RSPO4: variants seen among roughly 807,000 people sequenced by gnomAD.
The protein encoded by RSPO4 is R-spondin 4.
A neutral mutation model predicts 24.8 loss-of-function variants in RSPO4; 23 were observed. The ratio of observed to expected loss-of-function variants is 0.93; its 90% confidence interval spans 0.67 to 1.31. The LOEUF (loss-of-function observed/expected upper bound fraction) is 1.31, where lower values mean the gene tolerates loss of function less well. RSPO4 is among the 40% of genes most tolerant of loss of function. The pLI, the probability that RSPO4 is intolerant of heterozygous loss-of-function variation, is 0.00. For missense variants in RSPO4, 333 were observed against 316.5 expected (o/e 1.05, Z -0.39); for synonymous variants, 141 against 127.4 (o/e 1.11, Z -0.72).
At chr20:980,527 T>C (rs543830185) in intron 1 of RSPO4, among the ~76,000 whole-genome samples, 1 of 152,154 alleles carries the variant, frequency 6.6e-6, no homozygotes, top group Non-Finnish European at 1.5e-5. Flanking sequence ...AAATGCCCAC[T>C]CCGTCTCTCA....
intron 1 of RSPO4, among the ~76,000 whole-genome samples, chr20:984,635 C>A (rs1984842596): frequency 6.6e-6 from 1 of 152,188 alleles, no homozygotes; most frequent in African/African-American, 2.4e-5. Context: ...AAGTGAGCAT[C>A]TTCAAGGACC....
chr20:992,545 C>G (rs77138879), intron 1 of RSPO4, among the ~76,000 whole-genome samples: 1 of 152,286 alleles, frequency 6.6e-6, no homozygotes, highest in East Asian at 1.9e-4. Flanking sequence ...CCCCCCATGA[C>G]GCATGACAGT....
intron 1 of RSPO4, among the ~76,000 whole-genome samples, chr20:975,253 T>G (rs1268059079): frequency 6.6e-6 from 1 of 152,176 alleles, no homozygotes; most frequent in Non-Finnish European, 1.5e-5. Flanking sequence ...GAGCACACTT[T>G]GAAACCCCCT....
chr20:996,759 T>G (rs1985304646), intron 1 of RSPO4, among the ~76,000 whole-genome samples: 1 of 151,860 alleles, frequency 6.6e-6, no homozygotes, highest in Non-Finnish European at 1.5e-5. Flanking sequence ...GACTGGAGAG[T>G]GGCACCCAAG....
At chr20:988,236 G>C (rs551330388) in intron 1 of RSPO4, among the ~76,000 whole-genome samples, 2 of 152,316 alleles carry the variant, frequency 1.3e-5, no homozygotes, top group South Asian at 4.1e-4. Flanking sequence ...AGTTTGGATG[G>C]TGCTGGATTT....
Position 981,092 on chromosome 20 carries a change from A to C in RSPO4, c.80-12954T>G, listed in dbSNP as rs1984720469. Among the ~76,000 whole-genome samples, 1 of 152,202 alleles carries C rather than the reference A, an allele frequency of 6.6e-6. No homozygotes were observed. The highest frequency in any genetic ancestry group is 1.5e-5 in the Non-Finnish European group (1 of 68,040). On this transcript the variant is annotated intron_variant, in intron 1 of 4. Transcript: ENST00000217260. The surrounding 1 kb of genome is among the most constrained non-coding windows in gnomAD (Gnocchi z 4.6). ...TTACGGTTCAGGAAGTGAAGGCTCA[A>C]AGACCAACAATTATAGGTGGTGGCA...
At chr20:984,434 A>T (rs1460969871) in intron 1 of RSPO4, among the ~76,000 whole-genome samples, 1 of 152,182 alleles carries the variant, frequency 6.6e-6, no homozygotes, top group Admixed American at 6.5e-5. Context: ...GGCCAGGTCT[A>T]AAAGTCAGCG....
chr20:980,813 C>A (rs1600095843), intron 1 of RSPO4, among the ~76,000 whole-genome samples: 2 of 152,132 alleles, frequency 1.3e-5, no homozygotes, highest in South Asian at 4.1e-4. Flanking sequence ...TGTCGCCTCT[C>A]GACACATGCG....
At chr20:967,904 G>T in intron 2 of RSPO4, 46 bp downstream of exon 2, 1 of 1,568,150 alleles carries the variant, frequency 6.4e-7, no homozygotes, top group Non-Finnish European at 8.8e-7. Flanking sequence ...AGCCCATGGT[G>T]TCTAGGAGCC....
At chr20:984,343 A>G (rs1436512975) in intron 1 of RSPO4, among the ~76,000 whole-genome samples, 1 of 152,180 alleles carries the variant, frequency 6.6e-6, no homozygotes, top group Admixed American at 6.5e-5. Flanking sequence ...TGTCTCAGAA[A>G]AAAAGAAAGC....
intron 1 of RSPO4, among the ~76,000 whole-genome samples, chr20:979,949 C>T (rs1447514441): frequency 6.6e-6 from 1 of 152,148 alleles, no homozygotes; most frequent in African/African-American, 2.4e-5. Context: ...GTCTCTTTCC[C>T]ACCAGTGAAA....
chr20:986,815 G>A (rs1483291427), intron 1 of RSPO4, among the ~76,000 whole-genome samples: 1 of 152,192 alleles, frequency 6.6e-6, no homozygotes, highest in Non-Finnish European at 1.5e-5. Context: ...ATCCAAGTGT[G>A]TGGAGGGAGA....
chr20:960,423 T>C lies in RSPO4; in HGVS notation c.639A>G (p.Pro213=). The C allele has an allele frequency of 2.6e-6, 4 of 1,539,714 alleles. No homozygotes were observed. The highest frequency in any genetic ancestry group is 3.5e-6 in the Non-Finnish European group (4 of 1,147,454). The change falls in exon 5 of 5, where the codon CCA becomes CCG. Residue 213 remains proline (P), a synonymous_variant. Coordinates refer to ENST00000217260, the MANE Select transcript of RSPO4 (RefSeq NM_001029871.4). Reference sequence around the variant, plus strand: ...TGCGGTCCAGCTTCCTGTCCTTGCGTGGGCGCCGGTCCTTCCTGCCCTTCT... The same window carrying C: ...TGCGGTCCAGCTTCCTGTCCTTGCGCGGGCGCCGGTCCTTCCTGCCCTTCT... The part of the protein sequence containing the change: ...GQKKGRKDRR[P]RKDRKLDRRL...
At chr20:969,253 T>C (rs1201144138) in intron 1 of RSPO4, among the ~76,000 whole-genome samples, 1 of 152,182 alleles carries the variant, frequency 6.6e-6, no homozygotes, top group Non-Finnish European at 1.5e-5. Context: ...AAGGCTGCAG[T>C]GAGCTGTGTT....
intron 4 of RSPO4, among the ~76,000 whole-genome samples, chr20:962,192 C>T (rs1160233718): frequency 1.3e-5 from 2 of 152,108 alleles, no homozygotes; most frequent in Non-Finnish European, 2.9e-5. Context: ...CAAGCAAACA[C>T]GAGAATGAGA....
chr20:994,549 G>A (rs1448834961), intron 1 of RSPO4, among the ~76,000 whole-genome samples: 1 of 152,104 alleles, frequency 6.6e-6, no homozygotes, highest in Non-Finnish European at 1.5e-5. Context: ...AAGCCCTCCA[G>A]CTTCCATCCT....
At position 964,028 on chromosome 20, in the gene RSPO4, G is replaced by A. The variant is rs757948155; in HGVS notation, c.502C>T (p.Arg168Ter). ...TCATGCCCAGCCCGGCCAGCCTCTC[G>A]TACCCGGCTCTCCAGGCCCCAAGCC... ...GSAWGLESRV[R>*]EAGRAGHEEA... The change falls in exon 4 of 5, where the codon CGA becomes TGA. Residue 168 changes from arginine (R) to a stop codon, truncating the protein, a stop_gained. Transcript: ENST00000217260. LOFTEE classifies it high-confidence loss of function. 1.5e-5 allele frequency: 24 copies of A among 1,613,572 alleles called. No individual in the cohort carries two copies. The highest frequency in any genetic ancestry group is 1.6e-4 in the Middle Eastern group (1 of 6,062).
chr20:966,406 C>T (rs1480039137), intron 3 of RSPO4, among the ~76,000 whole-genome samples: 1 of 152,144 alleles, frequency 6.6e-6, no homozygotes, highest in Non-Finnish European at 1.5e-5. Context: ...TCACTTTATC[C>T]TCATAACAAT....
chr20:995,946 C>T (rs1336809177), intron 1 of RSPO4, among the ~76,000 whole-genome samples: 1 of 152,216 alleles, frequency 6.6e-6, no homozygotes, highest in Non-Finnish European at 1.5e-5. Flanking sequence ...CACTCATACA[C>T]CCATTCACAT....
Sources: allele counts gnomAD v4.1 joint callset (sites outside exome capture counted in the v4.1 genomes callset), GRCh38; gene constraint gnomAD v4.1.1; non-coding constraint Gnocchi (gnomAD v3.1); transcripts MANE v1.5; gene names NCBI Gene and HGNC (gene_info 2026-07-23, HGNC 2026-07-21).